PTPRJ: variants seen among roughly 807,000 people sequenced by gnomAD.
PTPRJ encodes receptor-type tyrosine-protein phosphatase eta.
In PTPRJ, 129 loss-of-function variants were observed where a neutral mutation model predicts 141.3. The ratio of observed to expected loss-of-function variants is 0.91; its 90% CI spans 0.79 to 1.06. The LOEUF is 1.06. PTPRJ is among the 50% of genes least tolerant of loss of function. The pLI is 0.00. For missense variants in PTPRJ, 1,601 were observed against 1,679.7 expected (o/e 0.95, Z 0.82); for synonymous variants, 610 against 640.5 (o/e 0.95, Z 0.72).
chr11:48,170,121 G>A lies in PTPRJ; in HGVS notation c.*2759G>A, dbSNP rs865903615. On this transcript the variant is annotated 3_prime_UTR_variant, in exon 25 of 25. Coordinates refer to ENST00000418331, the MANE Select transcript of PTPRJ (RefSeq NM_002843.4). ...CAGTGGAATCGGGGGGATGGTGTGA[G>A]CACCCCTGTTCAGTCTTTGACAATT... 10 of 152,200 alleles carry A rather than the reference G, an allele frequency of 6.6e-5. No individual in the cohort carries two copies. The highest frequency in any genetic ancestry group is 1.9e-4 in the African/African-American group (8 of 41,422). The allele number at this position is 152,200 out of a possible 1,614,324, so 9.4% of individuals were successfully genotyped here. A position where few individuals can be genotyped will look rare whatever the true frequency, so the allele number is the denominator to read the frequency against.
intron 2 of PTPRJ, among the ~76,000 whole-genome samples, chr11:48,111,280 C>CAAAAAAA (rs10554961): frequency 1.3e-4 from 9 of 67,240 alleles, no homozygotes; most frequent in African/African-American, 3.1e-4. Flanking sequence ...AACTCCATCT[C>CAAAAAAA]AAAAAAAAAA....
At chr11:48,016,927 A>G (rs945509552) in intron 1 of PTPRJ, among the ~76,000 whole-genome samples, 2 of 151,838 alleles carry the variant, frequency 1.3e-5, no homozygotes, top group East Asian at 3.9e-4. Flanking sequence ...ATTTTTGTTT[A>G]TTTTTAATTT....
intron 1 of PTPRJ, among the ~76,000 whole-genome samples, chr11:48,058,729 A>C (rs1854829414): frequency 6.6e-6 from 1 of 151,984 alleles, no homozygotes; most frequent in Non-Finnish European, 1.5e-5. Flanking sequence ...GTCTATTTCT[A>C]TGAGGCCACC....
rs1857977719 is a variant in PTPRJ, at chr11:48,168,557, T to TGCACTAAGCTCTCAAAAAC, written c.*1195_*1196insGCACTAAGCTCTCAAAAAC. The TGCACTAAGCTCTCAAAAAC allele has an allele frequency of 8.5e-6, 1 of 117,112 alleles. No individual in the cohort carries two copies. Among genetic ancestry groups the TGCACTAAGCTCTCAAAAAC allele is most frequent in the Non-Finnish European group, 1.8e-5 (1 of 55,678 alleles). The allele number at this position is 117,112 out of a possible 1,614,324, so 7.3% of individuals were successfully genotyped here. On this transcript the variant is annotated 3_prime_UTR_variant, in exon 25 of 25. Transcript: ENST00000418331. ...GTGTATATATATATATATATATATA[T>TGCACTAAGCTCTCAAAAAC]ATATATATATATATATATATATATA...
In PTPRJ at chr11:48,087,027, G is replaced by A. The variant is rs117026718; in HGVS notation, c.97-23031G>A. On this transcript the variant is annotated intron_variant, in intron 1 of 24. Transcript: ENST00000418331. ...GTAATAATAATAATAATAACACAAT[G>A]TATCATTATGATAGTGTTATATCTC... Among the ~76,000 whole-genome samples the A allele has an allele frequency of 7.1e-3, 1,088 of 152,290 alleles. 4 individuals carry two copies. Among genetic ancestry groups the A allele is most frequent in the Non-Finnish European group, 0.012 (824 of 68,022 alleles).
chr11:48,091,581 G>A (rs1241771738), intron 1 of PTPRJ, among the ~76,000 whole-genome samples: 1 of 152,146 alleles, frequency 6.6e-6, no homozygotes, highest in Non-Finnish European at 1.5e-5. Context: ...TCTTGACTTG[G>A]CCTTCTCTAG....
At chr11:48,006,732 G>A (rs946562309) in intron 1 of PTPRJ, among the ~76,000 whole-genome samples, 30 of 152,160 alleles carry the variant, frequency 2.0e-4, no homozygotes, top group Non-Finnish European at 3.7e-4. Flanking sequence ...GCCTGTCTCT[G>A]TTCAAGTGGC....
At position 48,063,328 on chromosome 11, in the gene PTPRJ, A is replaced by G. The variant is rs555586429; in HGVS notation, c.97-46730A>G. On this transcript the variant is annotated intron_variant, in intron 1 of 24. Coordinates refer to ENST00000418331, the MANE Select transcript of PTPRJ (RefSeq NM_002843.4). ...GGGCAACAGAGCAAGACTCCATCTC[A>G]AAAACAACAACAACAAGAACAACAA... is the stretch of plus-strand genomic sequence containing the variant. Among the ~76,000 whole-genome samples, 20 of 152,334 alleles carry G rather than the reference A, an allele frequency of 1.3e-4. No homozygotes were observed. The South Asian group carries it at 3.1e-3, about 24-fold the overall frequency.
chr11:48,151,270 CCCCAGGCGT>C (rs1445958396), intron 18 of PTPRJ, among the ~76,000 whole-genome samples: 1 of 151,896 alleles, frequency 6.6e-6, no homozygotes, highest in Admixed American at 6.6e-5. Context: ...CTTCTGGGAG[CCCCAGGCGT>C]CCCTTGGTTT....
intron 1 of PTPRJ, among the ~76,000 whole-genome samples, chr11:47,999,863 C>CTTT (rs1209647054): frequency 7.3e-6 from 1 of 136,282 alleles, no homozygotes; most frequent in African/African-American, 3.0e-5. Context: ...CGAGATTCTT[C>CTTT]TTTTTTTTTT....
intron 1 of PTPRJ, among the ~76,000 whole-genome samples, chr11:47,994,097 G>A (rs1229076982): frequency 6.6e-6 from 1 of 151,504 alleles, no homozygotes; most frequent in African/African-American, 2.4e-5. Flanking sequence ...TTGAGCTCCG[G>A]CAATCCACCC....
At chr11:48,027,159 C>T (rs555435249) in intron 1 of PTPRJ, among the ~76,000 whole-genome samples, 5 of 151,788 alleles carry the variant, frequency 3.3e-5, no homozygotes, top group East Asian at 3.9e-4. Context: ...CACCTGCCAC[C>T]GCGCCCAGCT....
At chr11:47,986,340 C>T (rs1854049938) in intron 1 of PTPRJ, among the ~76,000 whole-genome samples, 1 of 152,162 alleles carries the variant, frequency 6.6e-6, no homozygotes, top group African/African-American at 2.4e-5. Context: ...TGTGACTTCT[C>T]ATTTCCTTAT....
chr11:48,144,657 T>A lies in PTPRJ; in HGVS notation c.2576-18T>A. 1 of 1,594,612 alleles carries A rather than the reference T, an allele frequency of 6.3e-7. No homozygotes were observed. Among genetic ancestry groups the A allele is most frequent in the Non-Finnish European group, 8.6e-7 (1 of 1,162,462 alleles). On this transcript the variant is annotated intron_variant, in intron 12 of 24. Transcript: ENST00000418331. ...GCCATCACTTTCTTATGATTCTCCT[T>A]CTGTGTACCTTTCTTAGCTGGTCAC...
intron 1 of PTPRJ, among the ~76,000 whole-genome samples, chr11:47,993,901 C>T (rs1342248643): frequency 2.0e-5 from 3 of 151,608 alleles, no homozygotes; most frequent in Non-Finnish European, 4.4e-5. Flanking sequence ...GGATCTTGGC[C>T]CACTGCAAGC....
chr11:48,125,094 G>C lies in PTPRJ; in HGVS notation c.1001G>C (p.Gly334Ala), dbSNP rs773125113. 2 of 1,614,080 alleles carry C rather than the reference G, an allele frequency of 1.2e-6. No individual in the cohort carries two copies. The highest frequency in any genetic ancestry group is 1.3e-5 in the African/African-American group (1 of 75,030). Reference sequence around the variant, plus strand: ...CGAGACACGGAAGTCCTGCTTGTCGGGTTAGAGCCTGGCACCCGATACAAT... The same window carrying C: ...CGAGACACGGAAGTCCTGCTTGTCGCGTTAGAGCCTGGCACCCGATACAAT... ...QSRDTEVLLV[G>A]LEPGTRYNAT... Residue 334 changes from glycine to alanine, a missense_variant, in exon 6 of 25, where the codon GGG becomes GCG. Gly to Ala is a moderately conservative substitution (Grantham distance 60). Transcript: ENST00000418331.
intron 1 of PTPRJ, among the ~76,000 whole-genome samples, chr11:48,087,005 A>C (rs2174129): frequency 0.62 from 94,837 of 151,934 alleles, 33,095 homozygotes; most frequent in East Asian, 0.84. Flanking sequence ...CTCAATAGTA[A>C]TAATAATAAT....
chr11:48,023,997 A>G (rs970667666), intron 1 of PTPRJ, among the ~76,000 whole-genome samples: 1 of 151,800 alleles, frequency 6.6e-6, no homozygotes, highest in African/African-American at 2.4e-5. Flanking sequence ...GGAAGTGAAA[A>G]AATAAAAATA....
intron 16 of PTPRJ, 165 bp downstream of exon 16, chr11:48,149,653 G>T: frequency 1.8e-6 from 1 of 559,746 alleles, no homozygotes; most frequent in East Asian, 3.2e-5. Context: ...AGGAATCTAT[G>T]TTTTATTAGT....
Sources: allele counts gnomAD v4.1 joint callset (sites outside exome capture counted in the v4.1 genomes callset), GRCh38; gene constraint gnomAD v4.1.1; transcripts MANE v1.5; gene names NCBI Gene and HGNC (gene_info 2026-07-23, HGNC 2026-07-21).